NFATC1: variants seen among roughly 807,000 people sequenced by gnomAD.
NFATC1 encodes nuclear factor of activated T-cells, cytoplasmic 1.
In NFATC1, 22 loss-of-function variants were observed where a neutral mutation model predicts 76.0. The ratio of observed to expected loss-of-function variants is 0.29; its 90% CI spans 0.21 to 0.41. The LOEUF (loss-of-function observed/expected upper bound fraction) is 0.41. NFATC1 is among the 10% of genes least tolerant of loss of function. The pLI is 1.00. For synonymous variants in NFATC1, 704 were observed against 613.1 expected (o/e 1.15, Z -2.19); for missense variants, 1,357 against 1,337.7 (o/e 1.01, Z -0.23).
chr18:79,503,644 A>G (rs564873873), intron 9 of NFATC1, among the ~76,000 whole-genome samples: 18 of 152,312 alleles, frequency 1.2e-4, no homozygotes, highest in African/African-American at 4.1e-4. Context: ...ACTGGATTCA[A>G]CTTAAAGTCA....
At chr18:79,463,423 G>A (rs935748211) in intron 7 of NFATC1, among the ~76,000 whole-genome samples, 4 of 152,312 alleles carry the variant, frequency 2.6e-5, no homozygotes, top group South Asian at 2.1e-4. Context: ...CTGCTGTACC[G>A]GCCTCTCCTC....
rs569024678 is a variant in NFATC1, at chr18:79,511,541, G to A, written c.2783-15987G>A. ...GGCACCAGGGCCATGGCACAGTGGC[G>A]GCCGTGGAGGGAAGCCTCGCCGTGC... On this transcript the variant is annotated intron_variant, in intron 9 of 9. Transcript: ENST00000427363. 2.6e-5 allele frequency among the ~76,000 whole-genome samples: 4 copies of A among 152,310 alleles called. No homozygotes were observed. The East Asian group carries it at 5.8e-4, about 22-fold the overall frequency.
intron 1 of NFATC1, among the ~76,000 whole-genome samples, chr18:79,408,660 T>C (rs2085523928): frequency 6.6e-6 from 1 of 152,244 alleles, no homozygotes; most frequent in African/African-American, 2.4e-5. Context: ...ACCTTGACAG[T>C]GATAAGCCTG....
chr18:79,497,693 C>G (rs1367379137), intron 9 of NFATC1: 3 of 151,802 alleles, frequency 2.0e-5, no homozygotes, highest in African/African-American at 7.3e-5. Context: ...GCCCCAGCCA[C>G]TCTTCTCTGG....
chr18:79,442,598 T>C (rs1182910634), intron 3 of NFATC1, among the ~76,000 whole-genome samples: 1 of 152,188 alleles, frequency 6.6e-6, no homozygotes, highest in Non-Finnish European at 1.5e-5. Context: ...CAGCGCTGCT[T>C]CTCTGGAGTG....
At chr18:79,409,004 C>T (rs139883772) in intron 1 of NFATC1, among the ~76,000 whole-genome samples, 1,912 of 92,004 alleles carry the variant, frequency 0.021, 271 homozygotes, top group Non-Finnish European at 0.032. Context: ...TCCTCCATTC[C>T]CTATCCATCC....
intron 8 of NFATC1, among the ~76,000 whole-genome samples, chr18:79,476,995 C>A (rs1264926894): frequency 6.6e-6 from 1 of 152,250 alleles, no homozygotes; most frequent in East Asian, 1.9e-4. Flanking sequence ...TTCTCTGTCT[C>A]CCACATCAGG....
intron 8 of NFATC1, among the ~76,000 whole-genome samples, chr18:79,471,259 C>G (rs2088775606): frequency 6.6e-6 from 1 of 152,148 alleles, no homozygotes; most frequent in Non-Finnish European, 1.5e-5. Flanking sequence ...AGAGGCGAAC[C>G]TGGAACGTGG....
At chr18:79,459,130 A>G (rs930734117) in intron 6 of NFATC1, among the ~76,000 whole-genome samples, 1 of 152,210 alleles carries the variant, frequency 6.6e-6, no homozygotes, top group Non-Finnish European at 1.5e-5. Context: ...TTTTAGGGGA[A>G]GTCTAAGCGT....
chr18:79,469,602 C>T lies in NFATC1; in HGVS notation c.2092+2020C>T, dbSNP rs375053462. The T allele has an allele frequency of 6.6e-4, 646 of 985,846 alleles. 1 individual carries two copies. The highest frequency in any genetic ancestry group is 4.2e-3 in the Middle Eastern group (8 of 1,918). 61.1% of individuals were successfully genotyped at this position (985,846 alleles called of 1,614,324 possible). ...TCAGCATTGTGCCCAGCGTGGACAT[C>T]TCTCCTGCACCCCCTGCCCAGTGTC... On this transcript the variant is annotated intron_variant, in intron 8 of 9. Coordinates refer to ENST00000427363, the MANE Select transcript of NFATC1 (RefSeq NM_001278669.2).
intron 3 of NFATC1, among the ~76,000 whole-genome samples, chr18:79,435,819 G>A (rs2086755490): frequency 6.6e-6 from 1 of 152,228 alleles, no homozygotes; most frequent in Non-Finnish European, 1.5e-5. Context: ...ACACGGGAGA[G>A]GCTGGCTCTG....
At chr18:79,490,419 T>TG in intron 9 of NFATC1, among the ~76,000 whole-genome samples, 1 of 151,828 alleles carries the variant, frequency 6.6e-6, no homozygotes, top group Non-Finnish European at 1.5e-5. Flanking sequence ...GGCCCGGCTC[T>TG]GGGTTAGGGC....
intron 1 of NFATC1, among the ~76,000 whole-genome samples, chr18:79,399,768 G>T (rs1428202115): frequency 1.3e-5 from 2 of 152,126 alleles, no homozygotes; most frequent in Non-Finnish European, 2.9e-5. Context: ...CCTGCAGGGG[G>T]TTGCAGGCCG....
chr18:79,408,094 C>T (rs1240601279), intron 1 of NFATC1, among the ~76,000 whole-genome samples: 1 of 152,204 alleles, frequency 6.6e-6, no homozygotes, highest in Non-Finnish European at 1.5e-5. Context: ...TACCAGGCTG[C>T]CGTGCCGTGT....
chr18:79,411,111 C>T lies in NFATC1; in HGVS notation c.836C>T (p.Pro279Leu). The change falls in exon 2 of 10, where the codon CCC becomes CTC. Residue 279 changes from proline (P) to leucine (L), a missense_variant. Around this residue, in one of 3 missense-constraint regions of NFATC1, gnomAD observed 691 missense variants for 613.1 expected, o/e 1.13. Coordinates refer to ENST00000427363, the MANE Select transcript of NFATC1 (RefSeq NM_001278669.2). ...SLNGRQPPYS[P>L]HHSPTPSPHG... ...AACGGCCGGCAGCCGCCCTACTCAC[C>T]CCACCACTCGCCCACGCCGTCCCCG... 2 of 1,612,350 alleles carry T rather than the reference C, an allele frequency of 1.2e-6. No individual in the cohort carries two copies. Among genetic ancestry groups the T allele is most frequent in the African/African-American group, 1.3e-5 (1 of 75,028 alleles).
intron 2 of NFATC1, among the ~76,000 whole-genome samples, chr18:79,414,453 C>T (rs987973254): frequency 6.6e-6 from 1 of 152,266 alleles, no homozygotes; most frequent in South Asian, 2.1e-4. Flanking sequence ...CCTTTGAGGC[C>T]TTTTGTTGCT....
Position 79,410,028 on chromosome 18 carries a change from G to T in NFATC1, c.128-375G>T, listed in dbSNP as rs1023280772. 16 of 584,086 alleles carry T rather than the reference G, an allele frequency of 2.7e-5. No individual in the cohort carries two copies. The African/African-American group carries it at 2.9e-4, about 11-fold the overall frequency. 36.2% of individuals were successfully genotyped at this position (584,086 alleles called of 1,614,324 possible). On this transcript the variant is annotated intron_variant, in intron 1 of 9. Transcript: ENST00000427363. This position sits in a 1 kb window ranked among gnomAD's most constrained non-coding sequence, Gnocchi z 6.7. ...GAGCGGAACCCGTGAGGACCCAGTC[G>T]CCTCTCTCTGGGAAGGACGTTCGGA...
chr18:79,434,214 C>T (rs550798987), intron 3 of NFATC1, among the ~76,000 whole-genome samples: 15 of 152,324 alleles, frequency 9.8e-5, no homozygotes, highest in African/African-American at 3.1e-4. Context: ...GGAGTGGCTT[C>T]CAGAGCGGGC....
chr18:79,440,349 C>T (rs1305913533), intron 3 of NFATC1, among the ~76,000 whole-genome samples: 2 of 152,220 alleles, frequency 1.3e-5, no homozygotes, highest in Non-Finnish European at 2.9e-5. Flanking sequence ...CATGCTCTAT[C>T]CCAGCCTCAG....
Sources: allele counts gnomAD v4.1 joint callset (sites outside exome capture counted in the v4.1 genomes callset), GRCh38; gene constraint gnomAD v4.1.1; regional missense constraint gnomAD v4.1.1; non-coding constraint Gnocchi (gnomAD v3.1); transcripts MANE v1.5; gene names NCBI Gene and HGNC (gene_info 2026-07-23, HGNC 2026-07-21).